The following TEPSIN variants were observed in gnomAD, a reference collection of about 807,000 sequenced individuals.
TEPSIN encodes the protein TEPSIN adaptor related protein complex 4 accessory protein.
A neutral mutation model predicts 48.5 loss-of-function variants in TEPSIN; 50 were observed. The observed-to-expected ratio is 1.03, with a 90% CI of 0.82 to 1.31. TEPSIN has a LOEUF of 1.31. Among genes scored for constraint, TEPSIN ranks in the 50% most tolerant of loss-of-function variants. The probability of loss-of-function intolerance (pLI) is 0.00; values close to 1 mark genes in which losing one functional copy is unlikely to be tolerated. For synonymous variants in TEPSIN, 392 were observed against 358.8 expected, an observed-to-expected ratio of 1.09 and a Z score of -1.05; for missense variants, 838 against 815.9, an observed-to-expected ratio of 1.03 and a Z score of -0.33.
Position 81,228,592 on chromosome 17 carries a change from G to A in TEPSIN, c.*336C>T, listed in dbSNP as rs1446291036. 3 of 366,674 alleles carry A rather than the reference G, an allele frequency of 8.2e-6. No individual in the cohort carries two copies. The highest frequency in any genetic ancestry group is 1.5e-5 in the Non-Finnish European group (3 of 202,068). 22.7% of individuals were successfully genotyped at this position (366,674 alleles called of 1,614,324 possible). ...TGCTCATGACCTCCTGGGGAAGGAG[G>A]GAGCTGAGATCAAAATGAAATAAGG... On this transcript the variant is annotated 3_prime_UTR_variant, in exon 13 of 13. Transcript: ENST00000637944.
rs551802897 is a variant in TEPSIN, at chr17:81,230,007, G to T, written c.1234-531C>A. ...AGGACCTGTGTTTCCAGCAGCCAGG[G>T]AGAAAACAGGAAGAAAGAAGCTGGG... On this transcript the variant is annotated intron_variant, in intron 12 of 12. Transcript: ENST00000637944. This position sits in a 1 kb window ranked among gnomAD's most constrained non-coding sequence, Gnocchi z 4.2. The T allele has an allele frequency of 3.0e-4, 50 of 169,356 alleles. 1 individual carries two copies. The South Asian group carries it at 7.1e-3, about 24-fold the overall frequency. 10.5% of individuals were successfully genotyped at this position (169,356 alleles called of 1,614,324 possible). A position where few individuals can be genotyped will look rare whatever the true frequency, so the allele number is the denominator to read the frequency against.
chr17:81,239,037 C>A lies in TEPSIN; in HGVS notation c.-4G>T. ...GTAGCGGCGGCGCGGCAGCCATGAT[C>A]CAGGTCCCCTCCCGGTCTGCCCCGC... On this transcript the variant is annotated 5_prime_UTR_variant, in exon 1 of 13. Transcript: ENST00000637944. The A allele has an allele frequency of 6.7e-7, 1 of 1,492,594 alleles. No individual in the cohort carries two copies. The highest frequency in any genetic ancestry group is 8.9e-7 in the Non-Finnish European group (1 of 1,126,034). The allele number at this position is 1,492,594 out of a possible 1,614,324, so 92.5% of individuals were successfully genotyped here.
chr17:81,229,249 G>C lies in TEPSIN; in HGVS notation c.1461C>G (p.Pro487=), dbSNP rs1567898689. Residue 487 remains proline, a synonymous_variant, in exon 13 of 13, where the codon CCC becomes CCG. Transcript: ENST00000637944. ...GMPSSPVPTP[P]PDASPIPAPG... is the part of the protein sequence containing the mutation. The stretch of plus-strand genomic sequence containing the variant: ...GGGCTGGAATGGGGGAGGCATCTGG[G>C]GGTGGGGTGGGCACAGGGCTGGACG... 1.3e-6 allele frequency: 2 copies of C among 1,580,142 alleles called. No individual in the cohort carries two copies. The highest frequency in any genetic ancestry group is 3.7e-5 in the Admixed American group (2 of 54,640).
At chr17:81,229,551 C>A in intron 12 of TEPSIN, 75 bp from the exon 13 acceptor site, 1 of 1,467,670 alleles carries the variant, frequency 6.8e-7, no homozygotes. Flanking sequence ...CCGCTTCTCC[C>A]TAGGACCTCC....
chr17:81,237,292 C>T, intron 2 of TEPSIN, 95 bp downstream of exon 2: 2 of 1,408,266 alleles, frequency 1.4e-6, no homozygotes, highest in Admixed American at 3.9e-5. Flanking sequence ...CCGTGCATCC[C>T]CCTAGGGACA....
chr17:81,233,784 T>C lies in TEPSIN; in HGVS notation c.376-68A>G. On this transcript the variant is annotated intron_variant, in intron 5 of 12. Transcript: ENST00000637944. This position sits in a 1 kb window ranked among gnomAD's most constrained non-coding sequence, Gnocchi z 5.8. ...CCTGCTGTACTCACCCTGCCACCCA[T>C]ATCAGCTCCGTTCTGTCCCCCGGAC... The C allele has an allele frequency of 1.3e-6, 2 of 1,481,912 alleles. No individual in the cohort carries two copies. Among genetic ancestry groups the C allele is most frequent in the Non-Finnish European group, 1.8e-6 (2 of 1,099,000 alleles). 91.8% of individuals were successfully genotyped at this position (1,481,912 alleles called of 1,614,324 possible).
At position 81,229,398 on chromosome 17, in the gene TEPSIN, C is replaced by T. The variant is rs1426205098; in HGVS notation, c.1312G>A (p.Ala438Thr). 22 of 1,550,798 alleles carry T rather than the reference C, an allele frequency of 1.4e-5. No homozygotes were observed. Among genetic ancestry groups the T allele is most frequent in the Non-Finnish European group, 5.2e-6 (6 of 1,147,688 alleles). ...AGCAGGTCAGATGGGCCTGGGAGGG[C>T]GGCTGTGGGGCCAGGCTCAGCTGAG... ...GTSAEPGPTA[A>T]LPGPSDLLTD... Residue 438 changes from alanine to threonine, a missense_variant, in exon 13 of 13, where the codon GCC becomes ACC. Physicochemically the swap from Ala to Thr is moderately conservative, Grantham distance 58 (BLOSUM62 0). Coordinates refer to ENST00000637944, the MANE Select transcript of TEPSIN (RefSeq NM_001363764.2).
At position 81,228,422 on chromosome 17, in the gene TEPSIN, G is replaced by C. The variant is rs1440721779; in HGVS notation, c.*506C>G. 8 of 194,456 alleles carry C rather than the reference G, an allele frequency of 4.1e-5. No homozygotes were observed. The highest frequency in any genetic ancestry group is 7.3e-5 in the Non-Finnish European group (7 of 95,832). The allele number at this position is 194,456 out of a possible 1,614,324, so 12.0% of individuals were successfully genotyped here. Reference sequence around the variant, plus strand: ...AAGGAGCAGGTGAGAGCCAGGGAAGGATCACGTAGGGATCTGAGACTTGAA... The same window carrying C: ...AAGGAGCAGGTGAGAGCCAGGGAAGCATCACGTAGGGATCTGAGACTTGAA... On this transcript the variant is annotated 3_prime_UTR_variant, in exon 13 of 13. Transcript: ENST00000637944.
rs1347847156 is a variant in TEPSIN at position 81,236,773 on chromosome 17, C to A, written c.242G>T (p.Ser81Ile). 3.2e-6 allele frequency: 5 copies of A among 1,571,692 alleles called. No individual in the cohort carries two copies. The highest frequency in any genetic ancestry group is 2.7e-5 in the African/African-American group (2 of 73,846). ...GAGCAGGAAGAAGGAGGAGCCGTGG[C>A]TGCACAGATAGAGCAGGATCTTCAG... ...KVLKILLYLC[S>I]HGSSFFLLIL... The change falls in exon 4 of 13, where the codon AGC (serine) becomes ATC (isoleucine). Residue 81 changes from serine to isoleucine, a missense_variant. Coordinates refer to ENST00000637944, the MANE Select transcript of TEPSIN (RefSeq NM_001363764.2).
Position 81,239,044 on chromosome 17 carries a change from C to T in TEPSIN, c.-11G>A. On this transcript the variant is annotated 5_prime_UTR_variant, in exon 1 of 13. Coordinates refer to ENST00000637944, the MANE Select transcript of TEPSIN (RefSeq NM_001363764.2). ...CGGCGCGGCAGCCATGATCCAGGTC[C>T]CCTCCCGGTCTGCCCCGCTTCCGCC... 1 of 1,490,250 alleles carries T rather than the reference C, an allele frequency of 6.7e-7. No individual in the cohort carries two copies. The highest frequency in any genetic ancestry group is 1.3e-5 in the South Asian group (1 of 78,528). 92.3% of individuals were successfully genotyped at this position (1,490,250 alleles called of 1,614,324 possible).
At position 81,233,099 on chromosome 17, in the gene TEPSIN, C is replaced by G. The variant is rs890105239; in HGVS notation, c.526+333G>C. 7.0e-6 allele frequency: 3 copies of G among 430,996 alleles called. No homozygotes were observed. Among genetic ancestry groups the G allele is most frequent in the Non-Finnish European group, 4.2e-6 (1 of 238,752 alleles). 26.7% of individuals were successfully genotyped at this position (430,996 alleles called of 1,614,324 possible). ...TGCCCCACCTCATAACAGCTCCACA[C>G]GGGACTGCCTGAGTCACCTGCACCA... is the stretch of plus-strand genomic sequence containing the variant. On this transcript the variant is annotated intron_variant, in intron 7 of 12. Transcript: ENST00000637944. This position sits in a 1 kb window ranked among gnomAD's most constrained non-coding sequence, Gnocchi z 5.8.
At position 81,229,441 on chromosome 17, in the gene TEPSIN, C is replaced by T; in HGVS notation, c.1269G>A (p.Leu423=). The change falls in exon 13 of 13, where the codon CTG becomes CTA. Residue 423 remains leucine (L), a synonymous_variant. Coordinates refer to ENST00000637944, the MANE Select transcript of TEPSIN (RefSeq NM_001363764.2). ...LRHFEASCGQ[L]SPARGTSAEP... The stretch of plus-strand genomic sequence containing the variant: ...CAGCTGAGGTGCCCCGGGCAGGGGA[C>T]AGCTGCCCACAGGAGGCCTCAAAGT... 1 of 1,549,634 alleles carries T rather than the reference C, an allele frequency of 6.5e-7. No individual in the cohort carries two copies. Among genetic ancestry groups the T allele is most frequent in the Non-Finnish European group, 8.7e-7 (1 of 1,146,646 alleles).
chr17:81,231,709 C>CGGGTCAAG lies in TEPSIN; in HGVS notation c.906-26_906-19dup, dbSNP rs2062614556. 2 of 1,610,074 alleles carry CGGGTCAAG rather than the reference C, an allele frequency of 1.2e-6. No homozygotes were observed. ...CCTCGACCCTGCCAGGGGGAATGGC[C>CGGGTCAAG]GGGTCAAGGGTGAGTGGAGGCCATG... On this transcript the variant is annotated intron_variant, in intron 9 of 12. Transcript: ENST00000637944.
At position 81,234,334 on chromosome 17, in the gene TEPSIN, C is replaced by T. The variant is rs758169949; in HGVS notation, c.308-286G>A. ...TGGTGCCTGAGCGGGTGTGGCCTCC[C>T]CGAAGCCCACTCTCCCTGCCCCAGG... On this transcript the variant is annotated intron_variant, in intron 4 of 12. Transcript: ENST00000637944. The surrounding 1 kb of genome is among the most constrained non-coding windows in gnomAD (Gnocchi z 5.4). 1.9e-5 allele frequency: 6 copies of T among 321,582 alleles called. No individual in the cohort carries two copies. Among genetic ancestry groups the T allele is most frequent in the Non-Finnish European group, 3.4e-5 (6 of 176,818 alleles). The allele number at this position is 321,582 out of a possible 1,614,324, so 19.9% of individuals were successfully genotyped here.
chr17:81,230,410 G>T lies in TEPSIN; in HGVS notation c.1233+134C>A. The T allele has an allele frequency of 7.8e-7, 1 of 1,280,996 alleles. No individual in the cohort carries two copies. Among genetic ancestry groups the T allele is most frequent in the Non-Finnish European group, 1.1e-6 (1 of 945,402 alleles). The allele number at this position is 1,280,996 out of a possible 1,614,324, so 79.4% of individuals were successfully genotyped here. On this transcript the variant is annotated intron_variant, in intron 12 of 12. Coordinates refer to ENST00000637944, the MANE Select transcript of TEPSIN (RefSeq NM_001363764.2). This position sits in a 1 kb window ranked among gnomAD's most constrained non-coding sequence, Gnocchi z 4.2. ...ACTTGCTGCTGCTCCCTCTGCCAGC[G>T]GGACAGGGACTTGAGAGGGGGTCCG...
rs1313681099 is a variant in TEPSIN, at chr17:81,237,436, C to T, written c.72G>A (p.Thr24=). 7 of 1,611,112 alleles carry T rather than the reference C, an allele frequency of 4.3e-6. No individual in the cohort carries two copies. Among genetic ancestry groups the T allele is most frequent in the East Asian group, 2.2e-5 (1 of 44,850 alleles). Residue 24 remains threonine, a synonymous_variant, in exon 2 of 13, where the codon ACG becomes ACA. Coordinates refer to ENST00000637944, the MANE Select transcript of TEPSIN (RefSeq NM_001363764.2). ...LHRLPILLKG[T]SDDDVPCPGY... ...CCGGACACGGGACATCATCATCGGACGTCCCCTTCAGGAGAATCGGGAGCT... is the reference window on the plus strand; with the variant it reads ...CCGGACACGGGACATCATCATCGGATGTCCCCTTCAGGAGAATCGGGAGCT...
intron 2 of TEPSIN, 57 bp downstream of exon 2, chr17:81,237,329 CA>C: frequency 1.3e-6 from 2 of 1,566,492 alleles, no homozygotes; most frequent in Non-Finnish European, 1.7e-6. Context: ...CCCTTTGCAC[CA>C]CTCTGGGACC....
rs2062621575 is a variant in TEPSIN, at chr17:81,231,930, C to G, written c.822G>C (p.Leu274=). Residue 274 remains leucine (L), a synonymous_variant, in exon 9 of 13, where the codon CTG becomes CTC. Transcript: ENST00000637944. ...GACTGCCCGAGTCCGAGACCCTGCTCAGGTCGCTGTTCTGGGAGGAATTCT... is the reference window on the plus strand; with the variant it reads ...GACTGCCCGAGTCCGAGACCCTGCTGAGGTCGCTGTTCTGGGAGGAATTCT... The part of the protein sequence containing the change: ...SSQNSSQNSD[L]SRVSDSGSHS... 1.2e-6 allele frequency: 2 copies of G among 1,613,700 alleles called. No homozygotes were observed. Among genetic ancestry groups the G allele is most frequent in the South Asian group, 1.1e-5 (1 of 91,088 alleles).
chr17:81,234,116 G>C lies in TEPSIN; in HGVS notation c.308-68C>G. On this transcript the variant is annotated intron_variant, in intron 4 of 12. Coordinates refer to ENST00000637944, the MANE Select transcript of TEPSIN (RefSeq NM_001363764.2). The surrounding 1 kb of genome is among the most constrained non-coding windows in gnomAD (Gnocchi z 5.4). Reference sequence around the variant, plus strand: ...GCACCGCTGCTCCCTGTGGAGCACGGTGCCCTGGGCCCACTCCAGGGTGGC... The same window carrying C: ...GCACCGCTGCTCCCTGTGGAGCACGCTGCCCTGGGCCCACTCCAGGGTGGC... 1 of 1,421,658 alleles carries C rather than the reference G, an allele frequency of 7.0e-7. No homozygotes were observed. The highest frequency in any genetic ancestry group is 3.0e-5 in the Admixed American group (1 of 33,832). 88.1% of individuals were successfully genotyped at this position (1,421,658 alleles called of 1,614,324 possible).
Sources: gnomAD v4.1 joint callset for allele counts on GRCh38, gnomAD v4.1.1 for gene constraint, Gnocchi (gnomAD v3.1) non-coding constraint, MANE v1.5 for transcripts, NCBI Gene and HGNC (gene_info 2026-07-23, HGNC 2026-07-21) for gene names.